Variants in MYT1L observed in about 807,000 individuals in gnomAD.
The protein encoded by MYT1L is myelin transcription factor 1 like.
MYT1L carries 12 observed loss-of-function variants against 126.7 expected under a neutral mutation model. The ratio of observed to expected loss-of-function variants is 0.09; its 90% CI spans 0.06 to 0.15. The LOEUF (loss-of-function observed/expected upper bound fraction) is 0.15. MYT1L is among the 10% of genes least tolerant of loss of function. MYT1L has a pLI of 1.00. For synonymous variants in MYT1L, 541 were observed against 604.2 expected (o/e 0.90, Z 1.53); for missense variants, 979 against 1,585.2 (o/e 0.62, Z 6.49).
At chr2:2,103,753 T>C (rs1477296444) in intron 3 of MYT1L, among the ~76,000 whole-genome samples, 3 of 152,328 alleles carry the variant, frequency 2.0e-5, no homozygotes, top group East Asian at 1.9e-4. Context: ...TCCGCAGACA[T>C]ACTTTCTCCT....
intron 3 of MYT1L, among the ~76,000 whole-genome samples, chr2:2,150,289 C>T (rs1045818443): frequency 1.3e-5 from 2 of 152,130 alleles, no homozygotes; most frequent in Non-Finnish European, 2.9e-5. Context: ...AAAAAAAGCA[C>T]TAAAATAACA....
intron 4 of MYT1L, among the ~76,000 whole-genome samples, chr2:2,027,076 G>C (rs965552335): frequency 4.6e-5 from 7 of 152,332 alleles, no homozygotes; most frequent in African/African-American, 1.7e-4. Flanking sequence ...GGGAGAGGAA[G>C]AGAGATGAGC....
intron 3 of MYT1L, among the ~76,000 whole-genome samples, chr2:2,141,753 A>C (rs1004985780): frequency 2.0e-5 from 3 of 152,162 alleles, no homozygotes; most frequent in African/African-American, 4.8e-5. Context: ...CAGATGAATA[A>C]GCTGTAGAGA....
chr2:2,273,870 G>T (rs2095311714), intron 2 of MYT1L, among the ~76,000 whole-genome samples: 1 of 151,978 alleles, frequency 6.6e-6, no homozygotes, highest in African/African-American at 2.4e-5. Flanking sequence ...AATTATTGTG[G>T]GTGAAATTAT....
chr2:1,883,784 G>A (rs1158434044), intron 18 of MYT1L: 1 of 152,096 alleles, frequency 6.6e-6, no homozygotes, highest in East Asian at 1.9e-4. Flanking sequence ...TTTACCCTGG[G>A]GGCTTCCTCC....
chr2:2,306,155 C>T (rs7580422), intron 1 of MYT1L: 1 of 151,944 alleles, frequency 6.6e-6, no homozygotes, highest in Admixed American at 6.6e-5. Context: ...CAGGTTTTGC[C>T]CTGGTGGGAC....
Position 1,839,137 on chromosome 2 carries a change from G to A in MYT1L, c.3080+12C>T, listed in dbSNP as rs188284453. On this transcript the variant is annotated intron_variant, in intron 21 of 24. Transcript: ENST00000647738. ...CCATCCCAGCCAGGGTCCCGCAGAC[G>A]CGGCCACTCACCTGCGGTGTGTGAG... 78 of 1,599,010 alleles carry A rather than the reference G, an allele frequency of 4.9e-5. No homozygotes were observed. The highest frequency in any genetic ancestry group is 5.6e-5 in the Non-Finnish European group (66 of 1,171,442).
intron 3 of MYT1L, among the ~76,000 whole-genome samples, chr2:2,056,114 G>C (rs1450606309): frequency 6.6e-6 from 1 of 152,186 alleles, no homozygotes; most frequent in Non-Finnish European, 1.5e-5. Flanking sequence ...TATTTGGAGC[G>C]TGCTCTGTTC....
intron 3 of MYT1L, among the ~76,000 whole-genome samples, chr2:2,082,169 C>A (rs1411657931): frequency 1.3e-5 from 2 of 152,086 alleles, no homozygotes. Context: ...ATACAAAGAA[C>A]TTATGTGTGT....
intron 3 of MYT1L, among the ~76,000 whole-genome samples, chr2:2,073,831 T>C (rs535186115): frequency 1.3e-5 from 2 of 152,244 alleles, no homozygotes; most frequent in South Asian, 4.2e-4. Context: ...TGTCCCTCCA[T>C]TTCCAAGGAA....
intron 2 of MYT1L, among the ~76,000 whole-genome samples, chr2:2,255,980 A>G (rs77655948): frequency 0.016 from 2,447 of 152,274 alleles, 61 homozygotes; most frequent in African/African-American, 0.056. Context: ...TTCTGCAGCT[A>G]CCAAGTCTCA....
chr2:2,303,114 C>T (rs2095808885), intron 1 of MYT1L, among the ~76,000 whole-genome samples: 1 of 152,186 alleles, frequency 6.6e-6, no homozygotes, highest in Admixed American at 6.5e-5. Context: ...TAATAGTTTG[C>T]AGATACTCTT....
intron 8 of MYT1L, among the ~76,000 whole-genome samples, chr2:1,944,380 T>C (rs1240921025): frequency 1.3e-5 from 2 of 152,094 alleles, no homozygotes; most frequent in Non-Finnish European, 2.9e-5. Context: ...ATAGGTGGGT[T>C]AGGGGAGACA....
intron 2 of MYT1L, among the ~76,000 whole-genome samples, chr2:2,276,675 T>C (rs1009635455): frequency 1.3e-5 from 2 of 152,146 alleles, no homozygotes; most frequent in East Asian, 3.9e-4. Flanking sequence ...GAAGGCTGAA[T>C]TCACATTACC....
intron 3 of MYT1L, among the ~76,000 whole-genome samples, chr2:2,156,181 T>G (rs2086699010): frequency 1.3e-5 from 2 of 152,230 alleles, no homozygotes; most frequent in South Asian, 4.1e-4. Flanking sequence ...ATTTGGAATA[T>G]CCCGGCTGGG....
In MYT1L at chr2:1,866,501, CAG is replaced by C. The variant is rs1188501285; in HGVS notation, c.2712-14800_2712-14799del. Among the ~76,000 whole-genome samples the C allele has an allele frequency of 5.2e-5, 5 of 97,002 alleles. No individual in the cohort carries two copies. The East Asian group carries it at 1.3e-3, about 25-fold the overall frequency. 63.6% of individuals were successfully genotyped at this position (97,002 alleles called of 152,430 possible). A position where few individuals can be genotyped will look rare whatever the true frequency, so the allele number is the denominator to read the frequency against. The stretch of plus-strand genomic sequence containing the variant: ...GGAGAGGTGGGAGGAGAGAGGCAGG[CAG>C]AGAGAGAAGGGGAGAGAGAGAGTTG... On this transcript the variant is annotated intron_variant, in intron 18 of 24. Coordinates refer to ENST00000647738, the MANE Select transcript of MYT1L (RefSeq NM_001303052.2).
intron 9 of MYT1L, among the ~76,000 whole-genome samples, chr2:1,942,173 C>T (rs929365761): frequency 3.3e-5 from 5 of 152,138 alleles, no homozygotes; most frequent in African/African-American, 1.2e-4. Context: ...AAAAAACAAA[C>T]AAGCAAACAA....
At chr2:1,933,817 T>C (rs187984138) in intron 9 of MYT1L, among the ~76,000 whole-genome samples, 1 of 152,258 alleles carries the variant, frequency 6.6e-6, no homozygotes, top group African/African-American at 2.4e-5. Context: ...CCACATGCGA[T>C]TGGTGTGGCG....
chr2:2,233,048 G>A (rs1313427430), intron 2 of MYT1L, among the ~76,000 whole-genome samples: 2 of 152,214 alleles, frequency 1.3e-5, no homozygotes, highest in African/African-American at 2.4e-5. Context: ...GGCCCAGCCT[G>A]CATTAAGCAC....
Sources: gnomAD v4.1 joint callset for allele counts (sites outside exome capture counted in the v4.1 genomes callset) on GRCh38, gnomAD v4.1.1 for gene constraint, MANE v1.5 for transcripts, NCBI Gene and HGNC (gene_info 2026-07-23, HGNC 2026-07-21) for gene names.